Variants in POLR3B observed in about 807,000 individuals in gnomAD.
The protein encoded by POLR3B is DNA-directed RNA polymerase III subunit RPC2.
POLR3B carries 96 observed loss-of-function variants against 147.4 expected under a neutral mutation model. The ratio of observed to expected loss-of-function variants is 0.65; its 90% CI spans 0.55 to 0.77. The LOEUF (loss-of-function observed/expected upper bound fraction) is 0.77, where lower values mean the gene tolerates loss of function less well. POLR3B is among the 30% of genes least tolerant of loss of function. The pLI, the probability that POLR3B is intolerant of heterozygous loss-of-function variation, is 0.00. For missense variants in POLR3B, 1,036 were observed against 1,413.5 expected, an observed-to-expected ratio of 0.73 and a Z score of 4.28; for synonymous variants, 461 against 485.9, an observed-to-expected ratio of 0.95 and a Z score of 0.67.
intron 8 of POLR3B, 101 bp from the exon 9 acceptor site, chr12:106,379,930 A>G: frequency 1.4e-6 from 1 of 735,976 alleles, no homozygotes; most frequent in South Asian, 1.5e-5. Flanking sequence ...ATTGTTGTTG[A>G]TCAGTTGACC....
intron 18 of POLR3B, among the ~76,000 whole-genome samples, chr12:106,438,268 A>G (rs1472934724): frequency 6.6e-6 from 1 of 152,104 alleles, no homozygotes; most frequent in Non-Finnish European, 1.5e-5. Flanking sequence ...TGTATATTGT[A>G]TATTTCTGTA....
chr12:106,453,704 A>G (rs1021682047), intron 19 of POLR3B, among the ~76,000 whole-genome samples: 1 of 152,182 alleles, frequency 6.6e-6, no homozygotes, highest in Admixed American at 6.5e-5. Flanking sequence ...AGGCAGGTGC[A>G]TGAACCCCAG....
chr12:106,477,454 TC>T (rs1340956407), intron 23 of POLR3B, among the ~76,000 whole-genome samples: 9 of 140,578 alleles, frequency 6.4e-5, no homozygotes, highest in African/African-American at 2.2e-4. Flanking sequence ...CGGGCGCCCC[TC>T]CCCCAGCCTC....
intron 12 of POLR3B, among the ~76,000 whole-genome samples, chr12:106,414,946 T>G (rs144600836): frequency 1.3e-5 from 2 of 152,350 alleles, no homozygotes; most frequent in Non-Finnish European, 2.9e-5. Flanking sequence ...TTTGCTGTCT[T>G]AATCAGTTAA....
At position 106,484,713 on chromosome 12, in the gene POLR3B, G is replaced by A. The variant is rs139552665; in HGVS notation, c.2714-11342G>A. On this transcript the variant is annotated intron_variant, in intron 23 of 27. Transcript: ENST00000228347. Reference sequence around the variant, plus strand: ...GGTGGGGGTGTGTACTTTAGATTACGATCAGGAACAGCCTCTCGGAGGAAG... The same window carrying A: ...GGTGGGGGTGTGTACTTTAGATTACAATCAGGAACAGCCTCTCGGAGGAAG... Among the ~76,000 whole-genome samples, 74 of 152,014 alleles carry A rather than the reference G, an allele frequency of 4.9e-4. 2 individuals are homozygous for A. In the East Asian group the frequency reaches 9.3e-3, roughly 19 times the overall value.
At chr12:106,375,469 T>G (rs1482495863) in intron 6 of POLR3B, among the ~76,000 whole-genome samples, 3 of 152,302 alleles carry the variant, frequency 2.0e-5, no homozygotes, top group Admixed American at 6.5e-5. Context: ...TTAGTCGCTC[T>G]CTCTCTATCC....
intron 6 of POLR3B, among the ~76,000 whole-genome samples, chr12:106,373,753 C>CAAAAAAAAAAAAAAAAAAAAAAAAAAAA (rs577790126): frequency 7.2e-6 from 1 of 138,420 alleles, no homozygotes; most frequent in Non-Finnish European, 1.6e-5. Context: ...GACTCCATCT[C>CAAAAAAAAAAAAAAAAAAAAAAAAAAAA]AAAAAAAAAA....
intron 12 of POLR3B, among the ~76,000 whole-genome samples, chr12:106,421,845 A>G (rs2037378017): frequency 6.6e-6 from 1 of 151,910 alleles, no homozygotes; most frequent in South Asian, 2.1e-4. Flanking sequence ...GATTACAGGC[A>G]TGCACCACCA....
chr12:106,457,045 G>A, intron 20 of POLR3B, 93 bp from the exon 21 acceptor site: 1 of 1,033,414 alleles, frequency 9.7e-7, no homozygotes, highest in South Asian at 1.3e-5. Flanking sequence ...GGGGGAGGGT[G>A]AGGTGGAGTG....
intron 23 of POLR3B, among the ~76,000 whole-genome samples, chr12:106,488,916 C>T (rs1444024824): frequency 6.6e-6 from 1 of 152,152 alleles, no homozygotes; most frequent in Non-Finnish European, 1.5e-5. Context: ...TTTCAGTGTT[C>T]AGGCAAACCA....
chr12:106,360,489 T>G lies in POLR3B; in HGVS notation c.72+2538T>G, dbSNP rs150949026. On this transcript the variant is annotated intron_variant, in intron 1 of 27. Coordinates refer to ENST00000228347, the MANE Select transcript of POLR3B (RefSeq NM_018082.6). ...CTTCCCTAGGAAGGCCTTTCCTGATTCTCCCAGAAGATGGTAGATCTCTGC... is the reference window on the plus strand; with the variant it reads ...CTTCCCTAGGAAGGCCTTTCCTGATGCTCCCAGAAGATGGTAGATCTCTGC... Among the ~76,000 whole-genome samples, 250 of 152,354 alleles carry G rather than the reference T, an allele frequency of 1.6e-3. 1 individual carries two copies. The highest frequency in any genetic ancestry group is 5.6e-3 in the African/African-American group (231 of 41,584).
At chr12:106,455,793 C>G (rs562182690) in intron 20 of POLR3B, among the ~76,000 whole-genome samples, 200 of 152,290 alleles carry the variant, frequency 1.3e-3, no homozygotes, top group African/African-American at 4.5e-3. Flanking sequence ...ACACAATTTC[C>G]TAGGAGCCAT....
chr12:106,430,409 G>A lies in POLR3B; in HGVS notation c.1400G>A (p.Gly467Asp). The part of the protein sequence containing the change: ...SQFEKTRKVS[G>D]PRSLQPSQWG... ...TTTGAAAAAACGAGAAAAGTGAGTG[G>A]TCCTCGCTCCCTCCAGCCATCTCAG... Residue 467 changes from glycine (G) to aspartate (D), a missense_variant, in exon 14 of 28, where the codon GGT (glycine) becomes GAT (aspartate). Physicochemically the swap from Gly to Asp is moderately conservative, Grantham distance 94 (BLOSUM62 -1). Transcript: ENST00000228347. 1 of 1,613,734 alleles carries A rather than the reference G, an allele frequency of 6.2e-7. No individual in the cohort carries two copies. Among genetic ancestry groups the A allele is most frequent in the Non-Finnish European group, 8.5e-7 (1 of 1,179,916 alleles).
rs893527192 is a variant in POLR3B at position 106,504,333 on chromosome 12, T to G, written c.3272+79T>G. The G allele has an allele frequency of 1.7e-6, 2 of 1,143,446 alleles. No individual in the cohort carries two copies. Among genetic ancestry groups the G allele is most frequent in the Non-Finnish European group, 2.7e-6 (2 of 751,558 alleles). The allele number at this position is 1,143,446 out of a possible 1,614,324, so 70.8% of individuals were successfully genotyped here. ...GCTCAAGAATTGACCCTGGATCCTA[T>G]CCGCATATTCTCCAGCCTCTGTCTG... On this transcript the variant is annotated intron_variant, in intron 27 of 27. Transcript: ENST00000228347. This position sits in a 1 kb window ranked among gnomAD's most constrained non-coding sequence, Gnocchi z 4.6.
intron 2 of POLR3B, 54 bp from the exon 3 acceptor site, chr12:106,366,462 C>T: frequency 2.7e-6 from 3 of 1,114,800 alleles, no homozygotes; most frequent in Non-Finnish European, 4.1e-6. Context: ...AGCATATCAT[C>T]AGTACTCTTT....
At chr12:106,494,040 G>T (rs1175701529) in intron 23 of POLR3B, among the ~76,000 whole-genome samples, 1 of 152,116 alleles carries the variant, frequency 6.6e-6, no homozygotes, top group African/African-American at 2.4e-5. Context: ...CTAAATGTCA[G>T]AAGAGGGCTG....
intron 10 of POLR3B, among the ~76,000 whole-genome samples, chr12:106,403,669 A>G (rs1181931904): frequency 6.6e-6 from 1 of 152,086 alleles, no homozygotes; most frequent in South Asian, 2.1e-4. Context: ...AGGGACATGG[A>G]TGAAGCTGGA....
intron 2 of POLR3B, among the ~76,000 whole-genome samples, chr12:106,365,119 T>C (rs1369523876): frequency 6.6e-6 from 1 of 151,878 alleles, no homozygotes; most frequent in Admixed American, 6.6e-5. Context: ...TGGTCGACAG[T>C]GTGAGATTCC....
At chr12:106,370,566 T>A (rs2036590556) in intron 6 of POLR3B, among the ~76,000 whole-genome samples, 1 of 152,090 alleles carries the variant, frequency 6.6e-6, no homozygotes, top group Non-Finnish European at 1.5e-5. Context: ...GAAAAATAAG[T>A]AAGATATTAA....
Sources: allele counts gnomAD v4.1 joint callset (sites outside exome capture counted in the v4.1 genomes callset), GRCh38; gene constraint gnomAD v4.1.1; non-coding constraint Gnocchi (gnomAD v3.1); transcripts MANE v1.5; gene names NCBI Gene and HGNC (gene_info 2026-07-23, HGNC 2026-07-21).